Variants in BICD1 observed in about 807,000 individuals in gnomAD.
BICD1 encodes protein bicaudal D homolog 1.
In BICD1, 35 loss-of-function variants were observed where a neutral mutation model predicts 92.5. The observed-to-expected ratio is 0.38, with a 90% confidence interval of 0.29 to 0.50. The LOEUF is 0.50. Ranked by LOEUF, BICD1 falls within the 20% of genes least tolerant of loss-of-function variation. The pLI, the probability that BICD1 is intolerant of heterozygous loss-of-function variation, is 0.93. For missense variants in BICD1, 950 were observed against 1,189.8 expected, an observed-to-expected ratio of 0.80 and a Z score of 2.97; for synonymous variants, 429 against 465.1, an observed-to-expected ratio of 0.92 and a Z score of 1.00.
chr12:32,250,162 C>A (rs1419689662), intron 2 of BICD1, among the ~76,000 whole-genome samples: 5 of 152,124 alleles, frequency 3.3e-5, no homozygotes, highest in African/African-American at 7.2e-5. Flanking sequence ...TAAACTTTCT[C>A]AACTGTATTC....
chr12:32,256,015 T>TA (rs1186453080), intron 2 of BICD1, among the ~76,000 whole-genome samples: 3 of 152,138 alleles, frequency 2.0e-5, no homozygotes, highest in African/African-American at 7.2e-5. Flanking sequence ...TGCAAGGCAT[T>TA]ATGCTAAGTC....
In BICD1 at chr12:32,211,725, TG is replaced by T. The variant is rs2121549831; in HGVS notation, c.214-4518del. On this transcript the variant is annotated intron_variant, in intron 1 of 9. Transcript: ENST00000652176. ...TTGTGAAAAAAAAAAAAAAGCCAGC[TG>T]GGGTTCTTGACACACAGTTCATGCT... Among the ~76,000 whole-genome samples the T allele has an allele frequency of 1.3e-5, 2 of 148,478 alleles. 1 individual carries two copies. Among genetic ancestry groups the T allele is most frequent in the South Asian group, 4.2e-4 (2 of 4,742 alleles).
intron 2 of BICD1, among the ~76,000 whole-genome samples, chr12:32,249,681 C>T (rs1173160559): frequency 7.3e-6 from 1 of 137,628 alleles, no homozygotes; most frequent in Non-Finnish European, 1.6e-5. Flanking sequence ...TTTCTTTTCT[C>T]TCTCTCTCTT....
intron 2 of BICD1, among the ~76,000 whole-genome samples, chr12:32,218,144 G>A (rs895594086): frequency 1.3e-5 from 2 of 151,788 alleles, no homozygotes; most frequent in South Asian, 2.1e-4. Context: ...TCAACGTGGT[G>A]ATGATTAATG....
chr12:32,366,476 G>A (rs774117309), intron 8 of BICD1, among the ~76,000 whole-genome samples: 4 of 152,176 alleles, frequency 2.6e-5, no homozygotes, highest in African/African-American at 7.2e-5. Flanking sequence ...AAAATTAGCC[G>A]GGTGTGGTGG....
chr12:32,320,687 TA>T (rs369766130), intron 4 of BICD1, among the ~76,000 whole-genome samples: 9 of 151,098 alleles, frequency 6.0e-5, no homozygotes, highest in East Asian at 3.9e-4. Context: ...CTCAGTGAAA[TA>T]AAAAAAAATT....
rs1489772148 is a variant in BICD1, at chr12:32,379,743, CTGTT to C, written c.*2120_*2123del. 1 of 152,168 alleles carries C rather than the reference CTGTT, an allele frequency of 6.6e-6. No individual in the cohort carries two copies. The highest frequency in any genetic ancestry group is 1.5e-5 in the Non-Finnish European group (1 of 68,026). 9.4% of individuals were successfully genotyped at this position (152,168 alleles called of 1,614,324 possible). On this transcript the variant is annotated 3_prime_UTR_variant, in exon 10 of 10. Coordinates refer to ENST00000652176, the MANE Select transcript of BICD1 (RefSeq NM_001714.4). ...TGCTAAGTTGACTTTTAATAAAAAA[CTGTT>C]TGTGCCTGAGGGAAATATATGCCTT...
chr12:32,306,688 T>C (rs1014409893), intron 4 of BICD1, among the ~76,000 whole-genome samples: 14 of 152,182 alleles, frequency 9.2e-5, no homozygotes, highest in East Asian at 5.8e-4. Context: ...GAGCCACAAA[T>C]TGAGCTCCAA....
chr12:32,115,270 TC>T (rs1293853051), intron 1 of BICD1, among the ~76,000 whole-genome samples: 1 of 152,204 alleles, frequency 6.6e-6, no homozygotes, highest in African/African-American at 2.4e-5. Flanking sequence ...TTAATAGTTT[TC>T]CCTTCTTCTC....
chr12:32,124,579 A>C (rs1220531224), intron 1 of BICD1, among the ~76,000 whole-genome samples: 1 of 152,166 alleles, frequency 6.6e-6, no homozygotes, highest in Non-Finnish European at 1.5e-5. Flanking sequence ...ATAATAATAA[A>C]ATAATAATGT....
At position 32,377,568 on chromosome 12, in the gene BICD1, C is replaced by A. The variant is rs201836822; in HGVS notation, c.2869C>A (p.Pro957Thr). 2.5e-5 allele frequency: 40 copies of A among 1,614,022 alleles called. No homozygotes were observed. The highest frequency in any genetic ancestry group is 3.3e-5 in the Non-Finnish European group (39 of 1,180,026). ...SPDTALPEEQ[P>T]HSSSQCAPLH... ...TGACACAGCTCTCCCTGAGGAGCAG[C>A]CACATTCCAGCTCCCAGTGCGCCCC... is the stretch of plus-strand genomic sequence containing the variant. Residue 957 changes from proline (P) to threonine (T), a missense_variant, in exon 10 of 10, where the codon CCA (proline) becomes ACA (threonine). Pro to Thr is a conservative substitution (Grantham distance 38). Transcript: ENST00000652176.
At chr12:32,135,512 C>T (rs2121330443) in intron 1 of BICD1, among the ~76,000 whole-genome samples, 1 of 139,374 alleles carries the variant, frequency 7.2e-6, no homozygotes, top group East Asian at 2.4e-4. Context: ...GTGATCCTTA[C>T]ATCTCAGCCT....
intron 2 of BICD1, among the ~76,000 whole-genome samples, chr12:32,216,966 T>C (rs868698794): frequency 1.3e-5 from 2 of 152,226 alleles, no homozygotes; most frequent in African/African-American, 4.8e-5. Flanking sequence ...CAGCAAATTA[T>C]GGCTGGTATG....
chr12:32,220,509 G>T, intron 2 of BICD1, among the ~76,000 whole-genome samples: 1 of 151,136 alleles, frequency 6.6e-6, no homozygotes. Flanking sequence ...ACCATCACTG[G>T]CCATCAGAGA....
At chr12:32,139,749 A>T (rs1942845938) in intron 1 of BICD1, among the ~76,000 whole-genome samples, 3 of 152,162 alleles carry the variant, frequency 2.0e-5, no homozygotes, top group Non-Finnish European at 4.4e-5. Context: ...TTTTTAGTAA[A>T]GACGGGGTTT....
intron 1 of BICD1, among the ~76,000 whole-genome samples, chr12:32,114,190 A>G (rs942027080): frequency 1.3e-5 from 2 of 151,980 alleles, no homozygotes; most frequent in African/African-American, 4.8e-5. Flanking sequence ...TACTTTTAGT[A>G]GAGAGAAGAT....
intron 1 of BICD1, among the ~76,000 whole-genome samples, chr12:32,194,008 A>G (rs1372874759): frequency 6.6e-6 from 1 of 152,208 alleles, no homozygotes; most frequent in Non-Finnish European, 1.5e-5. Context: ...CACCATAATC[A>G]ATGAAATGTA....
chr12:32,148,833 A>C (rs1943195590), intron 1 of BICD1, among the ~76,000 whole-genome samples: 1 of 152,142 alleles, frequency 6.6e-6, no homozygotes, highest in Admixed American at 6.5e-5. Flanking sequence ...CAGCCTAGGC[A>C]ACATGGTGAA....
At chr12:32,346,575 T>C (rs1938601312) in intron 8 of BICD1, among the ~76,000 whole-genome samples, 1 of 40,172 alleles carries the variant, frequency 2.5e-5, no homozygotes, top group Non-Finnish European at 3.7e-5. Context: ...TATATATATA[T>C]ATATATACGT....
Sources: gnomAD v4.1 joint callset for allele counts (sites outside exome capture counted in the v4.1 genomes callset) on GRCh38, gnomAD v4.1.1 for gene constraint, MANE v1.5 for transcripts, NCBI Gene and HGNC (gene_info 2026-07-23, HGNC 2026-07-21) for gene names.